EDA2R: variants seen among roughly 807,000 people sequenced by gnomAD.
EDA2R encodes the protein tumor necrosis factor receptor superfamily member 27.
Under a neutral mutation model 20.1 loss-of-function variants are expected in EDA2R, and 26 were observed. That is an observed-to-expected ratio of 1.30 (90% CI 0.95 to 1.80). The LOEUF is 1.80. Among genes scored for constraint, EDA2R ranks in the 40% most tolerant of loss-of-function variants. EDA2R has a pLI of 0.00. For missense variants in EDA2R, 277 were observed against 228.7 expected (o/e 1.21, Z -1.36); for synonymous variants, 114 against 88.7 (o/e 1.29, Z -1.60).
At chrX:66,621,297 C>A (rs1300429903) in intron 1 of EDA2R, among the ~76,000 whole-genome samples, 1 of 111,547 alleles carries the variant, frequency 9.0e-6, no homozygotes, top group Non-Finnish European at 1.9e-5. Context: ...GTATTGCTGG[C>A]GAGAATACAA....
At position 66,599,662 on chromosome X, in the gene EDA2R, C is replaced by G; in HGVS notation, c.716G>C (p.Cys239Ser). The change falls in exon 6 of 7, where the codon TGC becomes TCC. Residue 239 changes from cysteine (C) to serine (S), a missense_variant. Transcript: ENST00000374719. The part of the protein sequence containing the change: ...PTQESFTMAS[C>S]TSESHSHWVH... Reference sequence around the variant, plus strand: ...CCAGTGGGAGTGGCTCTCTGAGGTGCAGGAGGCCATGGTAAAGGACTCCTG... The same window carrying G: ...CCAGTGGGAGTGGCTCTCTGAGGTGGAGGAGGCCATGGTAAAGGACTCCTG... The G allele has an allele frequency of 8.3e-7, 1 of 1,207,849 alleles. No homozygotes were observed. The highest frequency in any genetic ancestry group is 1.1e-6 in the Non-Finnish European group (1 of 893,864).
chrX:66,602,547 T>C, intron 5 of EDA2R, 86 bp downstream of exon 5: 1 of 1,018,301 alleles, frequency 9.8e-7, no homozygotes, highest in Middle Eastern at 2.8e-4. Flanking sequence ...AAAGGCCCAT[T>C]GTCTCTCAAC....
chrX:66,604,606 G>T, intron 3 of EDA2R, 100 bp from the exon 4 acceptor site: 1 of 741,323 alleles, frequency 1.3e-6, no homozygotes, highest in Non-Finnish European at 2.0e-6. Flanking sequence ...TTGCCAACCT[G>T]AAAGTAAGTG....
At chrX:66,615,770 G>A (rs1024911531) in intron 2 of EDA2R, among the ~76,000 whole-genome samples, 164 bp downstream of exon 2, 2 of 111,837 alleles carry the variant, frequency 1.8e-5, no homozygotes, top group African/African-American at 6.5e-5. Flanking sequence ...CTGACTTCAT[G>A]CTGGAATCAT....
At chrX:66,612,965 T>G (rs1378086357) in intron 2 of EDA2R, among the ~76,000 whole-genome samples, 4 of 111,519 alleles carry the variant, frequency 3.6e-5, no homozygotes, top group Non-Finnish European at 7.5e-5. Flanking sequence ...AACATTGATA[T>G]TCTTGATTTT....
intron 1 of EDA2R, among the ~76,000 whole-genome samples, chrX:66,628,729 C>G (rs961368862): frequency 1.8e-5 from 2 of 108,168 alleles, no homozygotes; most frequent in Non-Finnish European, 3.8e-5. Context: ...AATCCAGGAT[C>G]AGATGGATTC....
chrX:66,602,217 G>T (rs1479729498), intron 5 of EDA2R, among the ~76,000 whole-genome samples: 2 of 111,378 alleles, frequency 1.8e-5, no homozygotes, highest in African/African-American at 6.5e-5. Context: ...AATTGGAAAA[G>T]AACCCAGAAA....
At position 66,596,533 on chromosome X, in the gene EDA2R, A is replaced by G. The variant is rs1335526915; in HGVS notation, c.*1571T>C. On this transcript the variant is annotated 3_prime_UTR_variant, in exon 7 of 7. Transcript: ENST00000374719. ...ACTTTATCATATTTTTGTTATTATT[A>G]TTATTATTACTGTGTTACCATCATT... 9.0e-6 allele frequency: 1 copy of G among 110,670 alleles called. No homozygotes were observed. The highest frequency in any genetic ancestry group is 9.7e-5 in the Admixed American group (1 of 10,358). 9.1% of individuals were successfully genotyped at this position (110,670 alleles called of 1,213,427 possible). A position where few individuals can be genotyped will look rare whatever the true frequency, so the allele number is the denominator to read the frequency against.
At chrX:66,627,081 C>A (rs1933171782) in intron 1 of EDA2R, among the ~76,000 whole-genome samples, 1 of 111,731 alleles carries the variant, frequency 9.0e-6, no homozygotes, top group Non-Finnish European at 1.9e-5. Flanking sequence ...GAGAATTCAC[C>A]ACTACCAAAC....
chrX:66,625,103 C>T (rs1182219723), intron 1 of EDA2R, among the ~76,000 whole-genome samples: 3 of 111,604 alleles, frequency 2.7e-5, no homozygotes, highest in Non-Finnish European at 5.6e-5. Flanking sequence ...GGGAAAATGC[C>T]ACGGGGAAAA....
chrX:66,610,525 ATT>A (rs1162303498), intron 2 of EDA2R, among the ~76,000 whole-genome samples: 1 of 112,006 alleles, frequency 8.9e-6, no homozygotes, highest in African/African-American at 3.2e-5. Flanking sequence ...GCAAGCTAGC[ATT>A]TATTGAAAGT....
chrX:66,625,054 A>G (rs1195804462), intron 1 of EDA2R, among the ~76,000 whole-genome samples: 1 of 111,762 alleles, frequency 8.9e-6, no homozygotes, highest in East Asian at 2.8e-4. Context: ...GCAGGCCTGG[A>G]ACCACAGGGA....
chrX:66,636,896 T>A (rs764035218), intron 1 of EDA2R, among the ~76,000 whole-genome samples: 3 of 109,909 alleles, frequency 2.7e-5, no homozygotes, highest in Non-Finnish European at 5.7e-5. Flanking sequence ...ATTTGTTGCA[T>A]CTGTTTGGCA....
chrX:66,613,157 G>A (rs1931073895), intron 2 of EDA2R, among the ~76,000 whole-genome samples: 1 of 111,637 alleles, frequency 9.0e-6, no homozygotes, highest in Non-Finnish European at 1.9e-5. Context: ...ATTAATACAT[G>A]TCATCAAATT....
At chrX:66,598,594 C>T (rs1256893871) in intron 6 of EDA2R, among the ~76,000 whole-genome samples, 2 of 111,887 alleles carry the variant, frequency 1.8e-5, no homozygotes, top group Non-Finnish European at 3.8e-5. Context: ...AAAATGGACC[C>T]AAACCTTGGA....
intron 1 of EDA2R, among the ~76,000 whole-genome samples, chrX:66,620,804 C>G (rs1257660788): frequency 3.7e-5 from 4 of 108,277 alleles, no homozygotes; most frequent in Non-Finnish European, 7.6e-5. Context: ...TCTTGCAACT[C>G]AAAAAAAGAT....
intron 1 of EDA2R, among the ~76,000 whole-genome samples, chrX:66,617,060 T>C (rs1273126855): frequency 1.8e-5 from 2 of 111,899 alleles, no homozygotes; most frequent in Non-Finnish European, 3.8e-5. Context: ...AAGAGAAAGG[T>C]AGCATGAGGT....
intron 6 of EDA2R, among the ~76,000 whole-genome samples, chrX:66,598,603 G>C (rs1227247562): frequency 8.9e-6 from 1 of 112,018 alleles, no homozygotes; most frequent in Non-Finnish European, 1.9e-5. Context: ...CCAAACCTTG[G>C]AAGAAGAACT....
intron 5 of EDA2R, among the ~76,000 whole-genome samples, chrX:66,602,109 C>G (rs1245631384): frequency 9.0e-6 from 1 of 111,347 alleles, no homozygotes; most frequent in Admixed American, 9.5e-5. Flanking sequence ...GGCCTTAGAC[C>G]TCAACCACTT....
Sources: gnomAD v4.1 joint callset for allele counts (sites outside exome capture counted in the v4.1 genomes callset) on GRCh38, gnomAD v4.1.1 for gene constraint, MANE v1.5 for transcripts, NCBI Gene and HGNC (gene_info 2026-07-23, HGNC 2026-07-21) for gene names.